Variants in MAGI2 observed in about 807,000 individuals in gnomAD.
MAGI2 encodes the protein membrane associated guanylate kinase, WW and PDZ domain containing 2.
Under a neutral mutation model 133.3 loss-of-function variants are expected in MAGI2, and 35 were observed. The observed-to-expected ratio is 0.26, with a 90% CI of 0.20 to 0.35. MAGI2 has a LOEUF of 0.35. Among genes scored for constraint, MAGI2 ranks in the 10% least tolerant of loss-of-function variants. The probability of loss-of-function intolerance (pLI) is 1.00; values close to 1 mark genes in which losing one functional copy is unlikely to be tolerated. For synonymous variants in MAGI2, 729 were observed against 710.6 expected (o/e 1.03, Z -0.41); for missense variants, 1,636 against 1,863.4 (o/e 0.88, Z 2.25).
chr7:79,273,539 A>T (rs1835026086), intron 1 of MAGI2, among the ~76,000 whole-genome samples: 1 of 152,112 alleles, frequency 6.6e-6, no homozygotes. Flanking sequence ...AGTGAAATTT[A>T]AGTGGGTTTT....
intron 16 of MAGI2, among the ~76,000 whole-genome samples, chr7:78,135,760 G>A (rs1822051487): frequency 6.6e-6 from 1 of 152,118 alleles, no homozygotes; most frequent in African/African-American, 2.4e-5. Flanking sequence ...ATGGGTAGTA[G>A]CCACTTGGTA....
chr7:78,247,188 G>A (rs1791886904), intron 10 of MAGI2, among the ~76,000 whole-genome samples: 1 of 152,058 alleles, frequency 6.6e-6, no homozygotes, highest in South Asian at 2.1e-4. Flanking sequence ...AACATGATCA[G>A]GACAGTCTCA....
rs141707711 is a variant in MAGI2 at position 79,310,236 on chromosome 7, G to A, written c.301+142784C>T. ...ATATCTCCATCAGTGTTAAATATTC[G>A]AATGCATTTTTGTGTACAAAATTAT... On this transcript the variant is annotated intron_variant, in intron 1 of 21. Coordinates refer to ENST00000354212, the MANE Select transcript of MAGI2 (RefSeq NM_012301.4). 1.9e-3 allele frequency among the ~76,000 whole-genome samples: 238 copies of A among 123,906 alleles called. 1 individual carries two copies. The highest frequency in any genetic ancestry group is 6.4e-3 in the African/African-American group (213 of 33,190). 81.3% of individuals were successfully genotyped at this position (123,906 alleles called of 152,430 possible). A position where few individuals can be genotyped will look rare whatever the true frequency, so the allele number is the denominator to read the frequency against.
chr7:78,109,303 CAAAAAAAAAAAAAAAAAAAAAAAAA>C (rs71085511), intron 20 of MAGI2, among the ~76,000 whole-genome samples: 1 of 19,944 alleles, frequency 5.0e-5, no homozygotes, highest in Non-Finnish European at 8.5e-5. Flanking sequence ...GACTCCGTCT[CAAAAAAAAAAAAAAAAAAAAAAAAA>C]AAAAAAGAAA....
chr7:79,171,739 CAA>C (rs1331571986), intron 1 of MAGI2, among the ~76,000 whole-genome samples: 7,631 of 34,068 alleles, frequency 0.22, 1,218 homozygotes, highest in East Asian at 0.32. Flanking sequence ...AGACAATAGC[CAA>C]AAATATATAT....
intron 1 of MAGI2, among the ~76,000 whole-genome samples, chr7:79,112,236 C>T (rs1818993262): frequency 6.6e-6 from 1 of 152,060 alleles, no homozygotes; most frequent in African/African-American, 2.4e-5. Flanking sequence ...AAAAAAATCT[C>T]ATCAGCACAG....
At chr7:78,289,797 A>T (rs951150739) in intron 9 of MAGI2, among the ~76,000 whole-genome samples, 3 of 152,192 alleles carry the variant, frequency 2.0e-5, no homozygotes, top group Non-Finnish European at 4.4e-5. Flanking sequence ...GTAGGGGCCA[A>T]TATTCAACAT....
At chr7:78,996,490 C>T (rs539595883) in intron 2 of MAGI2, among the ~76,000 whole-genome samples, 1 of 152,056 alleles carries the variant, frequency 6.6e-6, no homozygotes, top group Non-Finnish European at 1.5e-5. Context: ...GAGAAAACCT[C>T]ACACTGGGGC....
chr7:78,931,106 A>C (rs1800079883), intron 2 of MAGI2, among the ~76,000 whole-genome samples: 1 of 152,096 alleles, frequency 6.6e-6, no homozygotes, highest in Admixed American at 6.6e-5. Context: ...ATAAAACCAA[A>C]CACAGAAATA....
At chr7:79,184,728 A>G (rs1356955899) in intron 1 of MAGI2, among the ~76,000 whole-genome samples, 1 of 151,824 alleles carries the variant, frequency 6.6e-6, no homozygotes, top group African/African-American at 2.4e-5. Flanking sequence ...CTTAAATGCA[A>G]TTGAAATGAG....
At chr7:78,244,301 TAA>T (rs1225168238) in intron 10 of MAGI2, among the ~76,000 whole-genome samples, 1 of 149,038 alleles carries the variant, frequency 6.7e-6, no homozygotes, top group East Asian at 2.0e-4. Context: ...AAAACCTGAA[TAA>T]AAGAGACAAT....
intron 21 of MAGI2, among the ~76,000 whole-genome samples, chr7:78,029,708 G>T (rs1005976884): frequency 4.2e-5 from 6 of 142,892 alleles, no homozygotes; most frequent in Non-Finnish European, 8.9e-5. Flanking sequence ...GAAAACCACT[G>T]CATGAAGAAG....
At chr7:78,740,664 G>C (rs182872541) in intron 2 of MAGI2, among the ~76,000 whole-genome samples, 2 of 152,262 alleles carry the variant, frequency 1.3e-5, no homozygotes, top group East Asian at 1.9e-4. Flanking sequence ...ACTGATACTA[G>C]AGACCAGTCA....
intron 1 of MAGI2, among the ~76,000 whole-genome samples, chr7:79,313,113 G>C (rs541581777): frequency 2.0e-5 from 3 of 151,232 alleles, no homozygotes; most frequent in African/African-American, 7.3e-5. Flanking sequence ...GATTGTTTTA[G>C]GTAAAACTAT....
chr7:78,655,037 T>C (rs957274641), intron 2 of MAGI2, among the ~76,000 whole-genome samples: 2 of 151,702 alleles, frequency 1.3e-5, no homozygotes, highest in African/African-American at 2.4e-5. Flanking sequence ...GAAACCTCAT[T>C]TACCCTGATG....
chr7:78,573,140 CAT>C (rs1332583845), intron 3 of MAGI2, among the ~76,000 whole-genome samples: 5 of 96,072 alleles, frequency 5.2e-5, no homozygotes, highest in Non-Finnish European at 1.0e-4. Context: ...CACACATACA[CAT>C]ATATATATAG....
At chr7:78,574,617 G>A (rs1360336907) in intron 3 of MAGI2, among the ~76,000 whole-genome samples, 4 of 152,128 alleles carry the variant, frequency 2.6e-5, no homozygotes, top group Non-Finnish European at 4.4e-5. Context: ...CTTGATGCTG[G>A]ATAAGTATTA....
chr7:79,249,086 A>G (rs1336256820), intron 1 of MAGI2, among the ~76,000 whole-genome samples: 2 of 151,620 alleles, frequency 1.3e-5, no homozygotes, highest in African/African-American at 4.9e-5. Flanking sequence ...CTGTTCTCAA[A>G]CTCCTGACCT....
chr7:78,991,467 T>C (rs1805775880), intron 2 of MAGI2, among the ~76,000 whole-genome samples: 1 of 151,948 alleles, frequency 6.6e-6, no homozygotes, highest in Non-Finnish European at 1.5e-5. Flanking sequence ...ATAACATATA[T>C]ATCTATCTTA....
Sources: gnomAD v4.1 joint callset for allele counts (sites outside exome capture counted in the v4.1 genomes callset) on GRCh38, gnomAD v4.1.1 for gene constraint, MANE v1.5 for transcripts, NCBI Gene and HGNC (gene_info 2026-07-23, HGNC 2026-07-21) for gene names.